Variants in SUZ12 observed in about 807,000 individuals in gnomAD.
The protein encoded by SUZ12 is polycomb protein SUZ12.
In SUZ12, 17 loss-of-function variants were observed where a neutral mutation model predicts 87.3. The ratio of observed to expected loss-of-function variants is 0.19; its 90% CI spans 0.13 to 0.29. The LOEUF is 0.29. Among genes scored for constraint, SUZ12 ranks in the 10% least tolerant of loss-of-function variants. The pLI is 1.00. For synonymous variants in SUZ12, 253 were observed against 312.4 expected, an observed-to-expected ratio of 0.81 and a Z score of 2.01; for missense variants, 526 against 912.2, an observed-to-expected ratio of 0.58 and a Z score of 5.45.
At chr17:31,981,025 CAAA>C (rs1036267583) in intron 8 of SUZ12, among the ~76,000 whole-genome samples, 8 of 135,086 alleles carry the variant, frequency 5.9e-5, no homozygotes, top group Admixed American at 1.5e-4. Flanking sequence ...CAGCGACTGT[CAAA>C]AAAAAAAACC....
intron 5 of SUZ12, among the ~76,000 whole-genome samples, chr17:31,971,021 T>TTA (rs1190568273): frequency 9.8e-4 from 150 of 152,322 alleles, no homozygotes; most frequent in African/African-American, 3.1e-3. Context: ...GTAAAGCCTG[T>TTA]GTTAATTTAC....
chr17:31,937,912 A>G (rs1026339581), intron 1 of SUZ12, among the ~76,000 whole-genome samples: 1 of 138,370 alleles, frequency 7.2e-6, no homozygotes, highest in Non-Finnish European at 1.5e-5. Context: ...GTAGCTTTTG[A>G]GGGGCAAAAT....
intron 4 of SUZ12, among the ~76,000 whole-genome samples, chr17:31,960,217 CT>C (rs879922597): frequency 4.8e-4 from 70 of 147,230 alleles, no homozygotes; most frequent in East Asian, 5.9e-4. Context: ...AGAGTGTTTA[CT>C]TTTTTTTTTT....
At chr17:31,992,790 C>T (rs1312257122) in intron 10 of SUZ12, among the ~76,000 whole-genome samples, 2 of 150,664 alleles carry the variant, frequency 1.3e-5, no homozygotes, top group Non-Finnish European at 2.9e-5. Context: ...TCACTGCAAC[C>T]TCCGCCTCCC....
chr17:31,973,297 C>G, intron 6 of SUZ12, 66 bp downstream of exon 6: 1 of 1,268,224 alleles, frequency 7.9e-7, no homozygotes, highest in Non-Finnish European at 1.1e-6. Context: ...CATCTTTATG[C>G]ATATATATTG....
At chr17:31,972,385 A>G (rs199579011) in intron 5 of SUZ12, among the ~76,000 whole-genome samples, 1,588 of 86,156 alleles carry the variant, frequency 0.018, 26 homozygotes, top group East Asian at 0.12. Flanking sequence ...TTGTGTGTGT[A>G]TATATATATA....
At chr17:31,959,897 C>T (rs1334278702) in intron 4 of SUZ12, among the ~76,000 whole-genome samples, 1 of 152,146 alleles carries the variant, frequency 6.6e-6, no homozygotes, top group Non-Finnish European at 1.5e-5. Context: ...AATTCTTTAC[C>T]TGATTTCTTG....
At chr17:31,939,544 C>T (rs866044928) in intron 1 of SUZ12, among the ~76,000 whole-genome samples, 8 of 145,450 alleles carry the variant, frequency 5.5e-5, no homozygotes, top group African/African-American at 2.0e-4. Flanking sequence ...TTTTTTGAGA[C>T]GAAGTTTCGC....
At chr17:31,980,008 G>A (rs1406349615) in intron 8 of SUZ12, among the ~76,000 whole-genome samples, 1 of 142,422 alleles carries the variant, frequency 7.0e-6, no homozygotes, top group South Asian at 2.2e-4. Flanking sequence ...ATATATATAT[G>A]TATAGAGAGA....
At chr17:31,997,029 G>T in intron 15 of SUZ12, 152 bp downstream of exon 15, 1 of 513,976 alleles carries the variant, frequency 1.9e-6, no homozygotes, top group Non-Finnish European at 3.1e-6. Context: ...AATGTTTTTT[G>T]GTTTGGCAGG....
chr17:31,956,386 G>C (rs1231349328), intron 4 of SUZ12, among the ~76,000 whole-genome samples: 1 of 152,070 alleles, frequency 6.6e-6, no homozygotes, highest in African/African-American at 2.4e-5. Context: ...TAGAGATGGG[G>C]TTTCACCGTG....
Position 31,994,542 on chromosome 17 carries a change from T to C in SUZ12, c.1438-22T>C, listed in dbSNP as rs770804385. Reference sequence around the variant, plus strand: ...TAGGATAGGATACTTAATATATTTTTTTTTTTACATTTTTGTTGCAGTATC... The same window carrying C: ...TAGGATAGGATACTTAATATATTTTCTTTTTTACATTTTTGTTGCAGTATC... On this transcript the variant is annotated intron_variant, in intron 12 of 15. Transcript: ENST00000322652. 3.2e-6 allele frequency: 5 copies of C among 1,565,862 alleles called. No individual in the cohort carries two copies. In the African/African-American group the frequency reaches 5.5e-5, roughly 17 times the overall value.
intron 10 of SUZ12, among the ~76,000 whole-genome samples, chr17:31,991,920 A>C (rs773631899): frequency 2.0e-5 from 3 of 152,006 alleles, no homozygotes; most frequent in Non-Finnish European, 4.4e-5. Context: ...TTAATATAAT[A>C]AGTATAACTT....
At chr17:31,958,447 AC>A (rs1237311048) in intron 4 of SUZ12, among the ~76,000 whole-genome samples, 1 of 152,178 alleles carries the variant, frequency 6.6e-6, no homozygotes, top group Non-Finnish European at 1.5e-5. Context: ...ATGGTGACTC[AC>A]GCCTGTATCC....
chr17:31,978,980 C>T (rs150509952), intron 8 of SUZ12, among the ~76,000 whole-genome samples: 2 of 151,848 alleles, frequency 1.3e-5, no homozygotes, highest in East Asian at 3.9e-4. Flanking sequence ...GTGGTGCGTG[C>T]CTGTAGTCCC....
chr17:31,963,018 A>G (rs1367286725), intron 4 of SUZ12, among the ~76,000 whole-genome samples: 23 of 152,228 alleles, frequency 1.5e-4, no homozygotes, highest in African/African-American at 5.5e-4. Flanking sequence ...TATTTATGGA[A>G]CTTCTTCTAG....
intron 9 of SUZ12, among the ~76,000 whole-genome samples, chr17:31,986,538 A>C (rs913514107): frequency 4.3e-5 from 6 of 138,252 alleles, no homozygotes; most frequent in Non-Finnish European, 9.6e-5. Context: ...TTCTAGTCTA[A>C]GTAGTTTTTT....
At chr17:31,960,544 T>A (rs1018784832) in intron 4 of SUZ12, among the ~76,000 whole-genome samples, 9 of 151,972 alleles carry the variant, frequency 5.9e-5, no homozygotes, top group African/African-American at 2.2e-4. Context: ...GGGGAAATCA[T>A]GCATAGCAAG....
chr17:31,942,427 G>T (rs949765387), intron 3 of SUZ12, among the ~76,000 whole-genome samples: 4 of 149,756 alleles, frequency 2.7e-5, no homozygotes, highest in African/African-American at 9.8e-5. Flanking sequence ...CCTCCACCTC[G>T]CGGGTTCAAG....
Sources: gnomAD v4.1 joint callset for allele counts (sites outside exome capture counted in the v4.1 genomes callset) on GRCh38, gnomAD v4.1.1 for gene constraint, MANE v1.5 for transcripts, NCBI Gene and HGNC (gene_info 2026-07-23, HGNC 2026-07-21) for gene names.